AFG2A: variants seen among roughly 807,000 people sequenced by gnomAD.
The protein encoded by AFG2A is ATPase family gene 2 protein homolog A.
the AFG2A span, among the ~76,000 whole-genome samples, chr4:122,978,210 G>A: frequency 1.3e-5 from 2 of 151,136 alleles, no homozygotes; most frequent in Non-Finnish European, 3.0e-5. Context: ...GCAGAGAGGA[G>A]ACCTGGAGTG....
At chr4:123,083,875 A>T in the AFG2A span, among the ~76,000 whole-genome samples, 2 of 152,096 alleles carry the variant, frequency 1.3e-5, no homozygotes, top group Non-Finnish European at 2.9e-5. Flanking sequence ...TTTAAAAGAG[A>T]TTAGAGAACT....
chr4:123,071,872 TC>T, the AFG2A span, among the ~76,000 whole-genome samples: 1 of 152,376 alleles, frequency 6.6e-6, no homozygotes. Flanking sequence ...GTTTTTGCTT[TC>T]ATATTTTTCA....
At chr4:122,957,917 AT>A in the AFG2A span, among the ~76,000 whole-genome samples, 6,245 of 152,264 alleles carry the variant, frequency 0.041, 414 homozygotes, top group African/African-American at 0.14. Flanking sequence ...CTCAATAAGT[AT>A]TTGATTAGTT....
At chr4:123,066,602 C>G in the AFG2A span, among the ~76,000 whole-genome samples, 2 of 152,018 alleles carry the variant, frequency 1.3e-5, no homozygotes, top group Admixed American at 1.3e-4. Flanking sequence ...TAAAAATTCT[C>G]ATGTATCTAA....
chr4:123,132,141 A>G, the AFG2A span, among the ~76,000 whole-genome samples: 1 of 152,158 alleles, frequency 6.6e-6, no homozygotes, highest in African/African-American at 2.4e-5. Context: ...CAAAAATTGC[A>G]TATCTTTAGA....
the AFG2A span, among the ~76,000 whole-genome samples, chr4:123,223,786 G>T: frequency 6.6e-6 from 1 of 152,210 alleles, no homozygotes; most frequent in Admixed American, 6.5e-5. Flanking sequence ...AAATTGAGTT[G>T]TAGGGGTTCC....
At chr4:122,945,494 G>A in the AFG2A span, among the ~76,000 whole-genome samples, 5 of 152,338 alleles carry the variant, frequency 3.3e-5, no homozygotes, top group South Asian at 4.1e-4. Context: ...TAAGCCCATC[G>A]GAAAAGCGCG....
chr4:123,061,332 T>A, the AFG2A span, among the ~76,000 whole-genome samples: 1 of 152,194 alleles, frequency 6.6e-6, no homozygotes, highest in Non-Finnish European at 1.5e-5. Flanking sequence ...GATTAGTCCA[T>A]TTTTATACTA....
the AFG2A span, among the ~76,000 whole-genome samples, chr4:123,175,695 T>A: frequency 6.6e-6 from 1 of 152,210 alleles, no homozygotes; most frequent in African/African-American, 2.4e-5. Flanking sequence ...TCCCAGGATG[T>A]TTACTGTGGA....
chr4:123,222,152 T>C, the AFG2A span, among the ~76,000 whole-genome samples: 1 of 152,160 alleles, frequency 6.6e-6, no homozygotes, highest in Admixed American at 6.5e-5. Flanking sequence ...TAAATTTTTG[T>C]TGGAAATACA....
the AFG2A span, among the ~76,000 whole-genome samples, chr4:123,046,154 TA>T: frequency 1.3e-5 from 2 of 152,160 alleles, no homozygotes; most frequent in African/African-American, 4.8e-5. Context: ...AAGAGATTTT[TA>T]AATTTATTTC....
At chr4:122,992,978 G>GTGTGTGTGTGTGTGTGTGTGTGTA in the AFG2A span, among the ~76,000 whole-genome samples, 3,792 of 134,590 alleles carry the variant, frequency 0.028, 40 homozygotes, top group South Asian at 0.079. Flanking sequence ...GTGTGTGTAT[G>GTGTGTGTGTGTGTGTGTGTGTGTA]TGTGTGTGTG....
chr4:122,950,696 A>G, the AFG2A span, among the ~76,000 whole-genome samples: 1 of 152,140 alleles, frequency 6.6e-6, no homozygotes, highest in African/African-American at 2.4e-5. Flanking sequence ...TGGTCCTTTT[A>G]TGGTGGCATG....
the AFG2A span, among the ~76,000 whole-genome samples, chr4:123,007,747 T>C: frequency 6.6e-6 from 1 of 151,494 alleles, no homozygotes; most frequent in Non-Finnish European, 1.5e-5. Flanking sequence ...CCCTGCAAAC[T>C]GTAGCCACTT....
the AFG2A span, among the ~76,000 whole-genome samples, chr4:123,061,363 C>G: frequency 6.6e-6 from 1 of 152,138 alleles, no homozygotes; most frequent in Admixed American, 6.6e-5. Context: ...ATACCCAAGA[C>G]TGGATAATTT....
At chr4:123,001,351 G>C in the AFG2A span, among the ~76,000 whole-genome samples, 1 of 152,112 alleles carries the variant, frequency 6.6e-6, no homozygotes, top group Non-Finnish European at 1.5e-5. Context: ...GCTAGCTTTT[G>C]AATGTGTTTG....
At chr4:123,238,722 T>TG in the AFG2A span, among the ~76,000 whole-genome samples, 1 of 152,122 alleles carries the variant, frequency 6.6e-6, no homozygotes, top group Non-Finnish European at 1.5e-5. Flanking sequence ...ACCACAAAGA[T>TG]GGGGAGAAAC....
chr4:123,255,715 CTATTTTTTTTTTTTT>C, the AFG2A span, among the ~76,000 whole-genome samples: 6 of 103,910 alleles, frequency 5.8e-5, no homozygotes, highest in Non-Finnish European at 1.1e-4. Flanking sequence ...TACTGCTTTT[CTATTTTTTTTTTTTT>C]TTTTTTTTTT....
the AFG2A span, among the ~76,000 whole-genome samples, chr4:123,055,097 TC>T: frequency 6.6e-6 from 1 of 152,202 alleles, no homozygotes; most frequent in African/African-American, 2.4e-5. Flanking sequence ...TGCCACAATC[TC>T]CCTGCACCCT....
Sources: gnomAD v4.1 joint callset for allele counts (sites outside exome capture counted in the v4.1 genomes callset) on GRCh38, gnomAD v4.1.1 for gene constraint, MANE v1.5 for transcripts, NCBI Gene and HGNC (gene_info 2026-07-23, HGNC 2026-07-21) for gene names.